LSAMP: variants seen among roughly 807,000 people sequenced by gnomAD.
LSAMP encodes the protein limbic system associated membrane protein.
In LSAMP, 7 loss-of-function variants were observed where a neutral mutation model predicts 38.6. The observed-to-expected ratio is 0.18, with a 90% confidence interval of 0.10 to 0.34. LSAMP has a LOEUF of 0.34. Among genes scored for constraint, LSAMP ranks in the 10% least tolerant of loss-of-function variants. The pLI is 1.00. For missense variants in LSAMP, 313 were observed against 420.0 expected (o/e 0.75, Z 2.23); for synonymous variants, 154 against 166.8 (o/e 0.92, Z 0.59).
intron 3 of LSAMP, among the ~76,000 whole-genome samples, chr3:115,975,432 C>A (rs570931940): frequency 6.6e-6 from 1 of 152,126 alleles, no homozygotes; most frequent in Non-Finnish European, 1.5e-5. Context: ...AGGGACAGAG[C>A]TTTGGGGTGT....
chr3:116,261,492 CTCT>C (rs2046825226), intron 1 of LSAMP, among the ~76,000 whole-genome samples: 1 of 152,206 alleles, frequency 6.6e-6, no homozygotes, highest in Admixed American at 6.5e-5. Context: ...ATCTGATGCT[CTCT>C]TCTTCATAGC....
At chr3:115,932,451 A>G (rs1937595170) in intron 3 of LSAMP, among the ~76,000 whole-genome samples, 1 of 152,248 alleles carries the variant, frequency 6.6e-6, no homozygotes, top group Admixed American at 6.5e-5. Context: ...GGAGTATGTC[A>G]TTCCAGGTAG....
At chr3:115,955,931 T>C (rs564556737) in intron 3 of LSAMP, among the ~76,000 whole-genome samples, 105 of 152,142 alleles carry the variant, frequency 6.9e-4, no homozygotes, top group Admixed American at 1.1e-3. Context: ...AAAGCCCTCA[T>C]TAGGCCAGCA....
intron 1 of LSAMP, among the ~76,000 whole-genome samples, chr3:116,132,682 TTCTC>T (rs1303521801): frequency 3.9e-5 from 6 of 152,330 alleles, no homozygotes; most frequent in Admixed American, 6.5e-5. Context: ...TTCCCTTTAG[TTCTC>T]TCTCTTACAT....
chr3:116,105,343 C>T (rs1708439628), intron 1 of LSAMP, among the ~76,000 whole-genome samples: 3 of 152,150 alleles, frequency 2.0e-5, no homozygotes, highest in African/African-American at 4.8e-5. Flanking sequence ...CTACTGACTG[C>T]CAGATATGGT....
chr3:116,116,394 A>G (rs1471586165), intron 1 of LSAMP, among the ~76,000 whole-genome samples: 1 of 151,730 alleles, frequency 6.6e-6, no homozygotes, highest in South Asian at 2.1e-4. Flanking sequence ...TATGCAATTC[A>G]TATTTAAAAT....
intron 2 of LSAMP, among the ~76,000 whole-genome samples, chr3:116,048,758 A>G (rs1445515003): frequency 6.6e-6 from 1 of 152,240 alleles, no homozygotes; most frequent in African/African-American, 2.4e-5. Context: ...AAACTGAGGT[A>G]TAATGAGATG....
In LSAMP at chr3:115,854,283, T is replaced by A. The variant is rs973048870; in HGVS notation, c.515-1666A>T. Among the ~76,000 whole-genome samples the A allele has an allele frequency of 1.1e-4, 7 of 66,002 alleles. No homozygotes were observed. In the East Asian group the frequency reaches 1.4e-3, roughly 13 times the overall value. The allele number at this position is 66,002 out of a possible 152,430, so 43.3% of individuals were successfully genotyped here. A position where few individuals can be genotyped will look rare whatever the true frequency, so the allele number is the denominator to read the frequency against. ...ATTATTATTATTATTATTATTATTA[T>A]TTTTTTTTTTTTTTTTTGAGATGGA... On this transcript the variant is annotated intron_variant, in intron 3 of 6. Coordinates refer to ENST00000490035, the MANE Select transcript of LSAMP (RefSeq NM_002338.5).
At chr3:115,909,561 T>G (rs1028796480) in intron 3 of LSAMP, among the ~76,000 whole-genome samples, 1 of 152,242 alleles carries the variant, frequency 6.6e-6, no homozygotes, top group Non-Finnish European at 1.5e-5. Context: ...GTTTGGGAAC[T>G]CCTATTGCTA....
intron 3 of LSAMP, among the ~76,000 whole-genome samples, chr3:115,885,321 T>C (rs1936424754): frequency 6.6e-6 from 1 of 151,900 alleles, no homozygotes; most frequent in Non-Finnish European, 1.5e-5. Context: ...GAGTTGTAAG[T>C]GTGGAAACTG....
chr3:116,187,731 AT>A lies in LSAMP; in HGVS notation c.156-101176del, dbSNP rs1232672137. On this transcript the variant is annotated intron_variant, in intron 1 of 6. Coordinates refer to ENST00000490035, the MANE Select transcript of LSAMP (RefSeq NM_002338.5). ...TCTTTACAATACCCATACCAAAGGT[AT>A]ATCACATTCTGATTTATTTTATATA... Among the ~76,000 whole-genome samples the A allele has an allele frequency of 2.0e-5, 3 of 152,184 alleles. No individual in the cohort carries two copies. In the East Asian group the frequency reaches 5.8e-4, roughly 29 times the overall value.
At chr3:116,343,646 G>A (rs1254863255) in intron 1 of LSAMP, among the ~76,000 whole-genome samples, 1 of 152,084 alleles carries the variant, frequency 6.6e-6, no homozygotes, top group African/African-American at 2.4e-5. Context: ...TTCACTGATA[G>A]CGTGGGTCTC....
At chr3:116,135,805 A>T (rs1709234841) in intron 1 of LSAMP, among the ~76,000 whole-genome samples, 1 of 152,184 alleles carries the variant, frequency 6.6e-6, no homozygotes. Flanking sequence ...GTTTCAAATG[A>T]GATTGAAGAT....
intron 1 of LSAMP, among the ~76,000 whole-genome samples, chr3:116,105,914 C>T (rs577509376): frequency 1.1e-4 from 16 of 151,770 alleles, no homozygotes; most frequent in African/African-American, 3.6e-4. Flanking sequence ...CTGTTTCAAG[C>T]GGGATTAGGG....
intron 1 of LSAMP, among the ~76,000 whole-genome samples, chr3:116,263,362 ACC>A (rs1282511275): frequency 6.6e-6 from 1 of 151,926 alleles, no homozygotes; most frequent in Non-Finnish European, 1.5e-5. Context: ...ACATGGTGAA[ACC>A]CCATTTCTAC....
intron 1 of LSAMP, among the ~76,000 whole-genome samples, chr3:116,433,091 A>C (rs1029350439): frequency 2.0e-5 from 3 of 152,206 alleles, no homozygotes; most frequent in African/African-American, 7.2e-5. Context: ...GAACAGCCCT[A>C]ACACACATAT....
At chr3:116,407,143 A>G (rs2048907599) in intron 1 of LSAMP, among the ~76,000 whole-genome samples, 1 of 152,070 alleles carries the variant, frequency 6.6e-6, no homozygotes. Flanking sequence ...AACACACAGT[A>G]CATTTTCATC....
In LSAMP at chr3:116,148,961, G is replaced by A. The variant is rs113827402; in HGVS notation, c.156-62405C>T. Among the ~76,000 whole-genome samples the A allele has an allele frequency of 1.3e-3, 204 of 152,112 alleles. 1 individual carries two copies. Among genetic ancestry groups the A allele is most frequent in the African/African-American group, 3.4e-3 (141 of 41,534 alleles). The stretch of plus-strand genomic sequence containing the variant: ...TATGAAAAGACTAGTTATAATAGGA[G>A]GCCCACTGCTATGCTGGGGCACAGC... On this transcript the variant is annotated intron_variant, in intron 1 of 6. Transcript: ENST00000490035.
intron 1 of LSAMP, among the ~76,000 whole-genome samples, chr3:116,291,326 C>T (rs369111967): frequency 1.3e-5 from 2 of 152,058 alleles, no homozygotes; most frequent in Non-Finnish European, 2.9e-5. Flanking sequence ...TATGGGCAGA[C>T]GATGTTGAAT....
Sources: allele counts gnomAD v4.1 joint callset (sites outside exome capture counted in the v4.1 genomes callset), GRCh38; gene constraint gnomAD v4.1.1; transcripts MANE v1.5; gene names NCBI Gene and HGNC (gene_info 2026-07-23, HGNC 2026-07-21).